GPR161: variants seen among roughly 807,000 people sequenced by gnomAD.
GPR161 encodes the protein G protein-coupled receptor 161, also known as G-protein coupled receptor RE2.
GPR161 carries 25 observed loss-of-function variants against 39.2 expected under a neutral mutation model. That is an observed-to-expected ratio of 0.64 (90% CI 0.47 to 0.89). GPR161 has a LOEUF of 0.89. Ranked by LOEUF, GPR161 falls within the 40% of genes least tolerant of loss-of-function variation. GPR161 has a pLI of 0.00. For synonymous variants in GPR161, 286 were observed against 276.6 expected (o/e 1.03, Z -0.34); for missense variants, 547 against 677.8 (o/e 0.81, Z 2.14).
chr1:168,134,812 A>T, intron 1 of GPR161: 1 of 1,116,134 alleles, frequency 9.0e-7, no homozygotes, highest in Non-Finnish European at 1.3e-6. Context: ...AGCAGCACAC[A>T]GCTCCCACCC....
At chr1:168,122,453 G>A (rs1195567757) in intron 1 of GPR161, among the ~76,000 whole-genome samples, 7 of 152,094 alleles carry the variant, frequency 4.6e-5, no homozygotes, top group Admixed American at 2.6e-4. Flanking sequence ...ACCACAGTGA[G>A]CCTGTTAAAA....
At chr1:168,087,125 A>C (rs1455785691) in intron 5 of GPR161, among the ~76,000 whole-genome samples, 1 of 152,220 alleles carries the variant, frequency 6.6e-6, no homozygotes, top group Non-Finnish European at 1.5e-5. Flanking sequence ...GGGCTGCGGC[A>C]GAACTCATTC....
At chr1:168,099,409 C>T (rs113945761) in intron 2 of GPR161, among the ~76,000 whole-genome samples, 3 of 152,108 alleles carry the variant, frequency 2.0e-5, no homozygotes, top group African/African-American at 7.2e-5. Context: ...ACCCTGTCAC[C>T]TCGGTAGTGT....
chr1:168,111,284 A>T (rs1381969146), intron 1 of GPR161, among the ~76,000 whole-genome samples: 1 of 152,172 alleles, frequency 6.6e-6, no homozygotes, highest in East Asian at 1.9e-4. Flanking sequence ...ACCCTCCTCC[A>T]AGTGCCTCAG....
At chr1:168,116,019 T>C (rs147790061) in intron 1 of GPR161, among the ~76,000 whole-genome samples, 2,134 of 152,166 alleles carry the variant, frequency 0.014, 48 homozygotes, top group African/African-American at 0.048. Context: ...CCTCGTGATC[T>C]GCCCACCTCG....
chr1:168,097,003 G>C lies in GPR161; in HGVS notation c.604C>G (p.Leu202Val). Residue 202 changes from leucine (L) to valine (V), a missense_variant, in exon 3 of 6, where the codon CTG (leucine) becomes GTG (valine). Leu to Val is a conservative substitution (Grantham distance 32, BLOSUM62 1). Coordinates refer to ENST00000682931, the MANE Select transcript of GPR161 (RefSeq NM_001375883.1). Reference protein sequence around the residue: ...WQIWCALFPFLVMLVCYGFIF... With the variant: ...WQIWCALFPFVVMLVCYGFIF... ...AAGCCATAGCACACCAGCATGACCA[G>C]AAAGGGGAAGAGGGCACACCAGATC... The C allele has an allele frequency of 6.2e-7, 1 of 1,614,174 alleles. No homozygotes were observed. Among genetic ancestry groups the C allele is most frequent in the Non-Finnish European group, 8.5e-7 (1 of 1,180,034 alleles).
At position 168,090,585 on chromosome 1, in the gene GPR161, AGCCAGTGTCCCCCGT is replaced by A. The variant is rs1694966262; in HGVS notation, c.1168_1182del (p.Thr390_Gly394del). 1 of 1,607,220 alleles carries A rather than the reference AGCCAGTGTCCCCCGT, an allele frequency of 6.2e-7. No individual in the cohort carries two copies. Among genetic ancestry groups the A allele is most frequent in the Non-Finnish European group, 8.5e-7 (1 of 1,173,816 alleles). On this transcript the variant is annotated inframe_deletion, in exon 4 of 6. Transcript: ENST00000682931. ...TTACCTGAGTCCTGGGAGCAGCTGA[AGCCAGTGTCCCCCGT>A]GCTGCTGCTGTGCCCCAGGGGCTGT...
At chr1:168,104,372 A>G in intron 2 of GPR161, 105 bp downstream of exon 2, 1 of 879,036 alleles carries the variant, frequency 1.1e-6, no homozygotes, top group Non-Finnish European at 1.8e-6. Context: ...TCCCCCAGCA[A>G]GGGCCCCTGA....
intron 1 of GPR161, chr1:168,135,174 TAAAG>T: frequency 1.8e-6 from 2 of 1,110,270 alleles, no homozygotes; most frequent in Non-Finnish European, 2.4e-6. Context: ...AGCCCTGAGT[TAAAG>T]AACTCACCTG....
intron 1 of GPR161, among the ~76,000 whole-genome samples, chr1:168,110,579 AAAGAAAAG>A (rs1196718508): frequency 1.8e-5 from 2 of 111,644 alleles, no homozygotes; most frequent in African/African-American, 9.1e-5. Context: ...AAAGAAAAGA[AAAGAAAAG>A]AAAAGAAAAG....
chr1:168,090,530 G>A (rs767333990), intron 4 of GPR161, 34 bp downstream of exon 4: 58 of 1,253,384 alleles, frequency 4.6e-5, no homozygotes, highest in South Asian at 1.2e-5. Flanking sequence ...GGGAAAACGC[G>A]ACAGGTGAGA....
At chr1:168,087,881 G>T (rs1354837304) in intron 4 of GPR161, 177 bp from the exon 5 acceptor site, 5 of 595,698 alleles carry the variant, frequency 8.4e-6, no homozygotes, top group Non-Finnish European at 1.1e-5. Context: ...TCCTGTTTCA[G>T]GGAGTTTGCA....
chr1:168,112,155 A>G (rs1697225944), intron 1 of GPR161, among the ~76,000 whole-genome samples: 1 of 152,126 alleles, frequency 6.6e-6, no homozygotes, highest in African/African-American at 2.4e-5. Context: ...CAATCCAGAG[A>G]TAAGAGGTAG....
At chr1:168,136,092 T>C in intron 1 of GPR161, 1 of 1,259,574 alleles carries the variant, frequency 7.9e-7, no homozygotes, top group East Asian at 3.2e-5. Flanking sequence ...CGAGGGCTGG[T>C]CGAGTTCTCC....
intron 1 of GPR161, among the ~76,000 whole-genome samples, chr1:168,110,676 C>A (rs1169958755): frequency 2.0e-5 from 3 of 151,962 alleles, no homozygotes; most frequent in Non-Finnish European, 4.4e-5. Context: ...GTAATCCCAG[C>A]ACTTTGGGAG....
rs1021336917 is a variant in GPR161, at chr1:168,084,640, A to T, written c.*891T>A. On this transcript the variant is annotated 3_prime_UTR_variant, in exon 6 of 6. Transcript: ENST00000682931. ...TTGGTCACTCAAACATCACACATAG[A>T]ATCTATTTAATGAGGCTTTCCCATG... 5.5e-6 allele frequency: 2 copies of T among 364,316 alleles called. No individual in the cohort carries two copies. Among genetic ancestry groups the T allele is most frequent in the African/African-American group, 4.3e-5 (2 of 46,822 alleles). The allele number at this position is 364,316 out of a possible 1,614,324, so 22.6% of individuals were successfully genotyped here.
intron 3 of GPR161, among the ~76,000 whole-genome samples, chr1:168,094,285 G>A (rs1436330401): frequency 1.4e-5 from 2 of 141,966 alleles, no homozygotes; most frequent in African/African-American, 5.2e-5. Context: ...ATTTTTTTTT[G>A]CCTAGAAGAC....
Position 168,083,266 on chromosome 1 carries a change from T to A in GPR161, c.*2265A>T, listed in dbSNP as rs1694198160. ...AGTAAAAAAAGGGAAACACAGTGAA[T>A]CATTTTGTGAAATGCAGTATTTCTA... On this transcript the variant is annotated 3_prime_UTR_variant, in exon 6 of 6. Transcript: ENST00000682931. 1 of 152,196 alleles carries A rather than the reference T, an allele frequency of 6.6e-6. No individual in the cohort carries two copies. Among genetic ancestry groups the A allele is most frequent in the Non-Finnish European group, 1.5e-5 (1 of 68,030 alleles). The allele number at this position is 152,196 out of a possible 1,614,324, so 9.4% of individuals were successfully genotyped here.
upstream of GPR161, chr1:168,136,970 C>A: frequency 1.1e-6 from 1 of 931,074 alleles, no homozygotes; most frequent in African/African-American, 1.9e-5. Context: ...CCCCCCCACG[C>A]CCGGCCGGGC....
Sources: gnomAD v4.1 joint callset for allele counts (sites outside exome capture counted in the v4.1 genomes callset) on GRCh38, gnomAD v4.1.1 for gene constraint, MANE v1.5 for transcripts, NCBI Gene and HGNC (gene_info 2026-07-23, HGNC 2026-07-21) for gene names.